Variants in DMD observed in about 807,000 individuals in gnomAD.
DMD encodes the protein dystrophin, also known as mutant dystrophin.
Under a neutral mutation model 330.1 loss-of-function variants are expected in DMD, and 63 were observed. The ratio of observed to expected loss-of-function variants is 0.19; its 90% confidence interval spans 0.16 to 0.24. The LOEUF (loss-of-function observed/expected upper bound fraction) is 0.24, where lower values mean the gene tolerates loss of function less well. Among genes scored for constraint, DMD ranks in the 10% least tolerant of loss-of-function variants. The pLI is 1.00. For missense variants in DMD, 3,344 were observed against 2,684.1 expected, an observed-to-expected ratio of 1.25 and a Z score of -5.43; for synonymous variants, 1,223 against 959.8, an observed-to-expected ratio of 1.27 and a Z score of -5.07.
intron 3 of DMD, 41 bp from the exon 4 acceptor site, chrX:32,844,901 G>A: frequency 9.5e-7 from 1 of 1,048,180 alleles, no homozygotes; most frequent in South Asian, 1.9e-5. Flanking sequence ...CCAGCAGAGA[G>A]ACCGACAATC....
intron 30 of DMD, among the ~76,000 whole-genome samples, chrX:32,390,528 T>C (rs2097994216): frequency 8.9e-6 from 1 of 112,059 alleles, no homozygotes; most frequent in South Asian, 3.7e-4. Flanking sequence ...AATTTATATA[T>C]TATATGTAGA....
chrX:31,905,907 A>G (rs2094473304), intron 47 of DMD, among the ~76,000 whole-genome samples: 1 of 112,045 alleles, frequency 8.9e-6, no homozygotes, highest in African/African-American at 3.2e-5. Flanking sequence ...GAATTTTTAA[A>G]TGGTTCATGA....
intron 2 of DMD, among the ~76,000 whole-genome samples, chrX:32,893,534 C>T (rs184575308): frequency 8.9e-6 from 1 of 112,184 alleles, no homozygotes; most frequent in Non-Finnish European, 1.9e-5. Context: ...GTAATTTACT[C>T]TTTGTCTTAT....
intron 60 of DMD, among the ~76,000 whole-genome samples, chrX:31,427,453 T>C (rs1014250051): frequency 8.9e-6 from 1 of 111,956 alleles, no homozygotes; most frequent in African/African-American, 3.2e-5. Flanking sequence ...AGGGAGCCTG[T>C]GTCATGTACA....
intron 55 of DMD, among the ~76,000 whole-genome samples, chrX:31,601,590 C>T (rs1377856989): frequency 9.0e-6 from 1 of 111,553 alleles, no homozygotes; most frequent in South Asian, 3.8e-4. Flanking sequence ...TTACAAATCT[C>T]CTTTGTCTCT....
intron 11 of DMD, among the ~76,000 whole-genome samples, chrX:32,633,315 T>A (rs1362817744): frequency 1.8e-5 from 2 of 111,590 alleles, no homozygotes; most frequent in South Asian, 3.8e-4. Context: ...TACAGCCAAC[T>A]TCTTTGCTAA....
intron 48 of DMD, 72 bp from the exon 49 acceptor site, chrX:31,836,891 C>T: frequency 3.4e-6 from 3 of 890,452 alleles, no homozygotes; most frequent in South Asian, 2.0e-5. Flanking sequence ...TTAAATATAC[C>T]CTTGGAGACT....
chrX:32,932,338 A>G (rs761831044), intron 2 of DMD, among the ~76,000 whole-genome samples: 1 of 112,460 alleles, frequency 8.9e-6, no homozygotes, highest in Admixed American at 9.5e-5. Context: ...AATAATAAGC[A>G]TATGTAATAA....
chrX:32,023,468 A>C (rs951441259), intron 44 of DMD, among the ~76,000 whole-genome samples: 3 of 111,618 alleles, frequency 2.7e-5, no homozygotes, highest in African/African-American at 9.8e-5. Context: ...TGTATGTCTC[A>C]CTCTGTCAAT....
At chrX:32,942,031 T>G (rs1401713016) in intron 2 of DMD, among the ~76,000 whole-genome samples, 1 of 111,704 alleles carries the variant, frequency 9.0e-6, no homozygotes, top group Non-Finnish European at 1.9e-5. Context: ...TGTGATTAGT[T>G]AAGACATTAT....
At chrX:33,134,288 T>TC (rs1302075594) in intron 1 of DMD, among the ~76,000 whole-genome samples, 1 of 111,126 alleles carries the variant, frequency 9.0e-6, no homozygotes, top group African/African-American at 3.3e-5. Flanking sequence ...GCAAAAACCT[T>TC]CCCCACTGAT....
rs890515219 is a variant in DMD at position 32,796,446 on chromosome X, CAGAGGCTAG to C, written c.649+13038_649+13046del. 2.4e-4 allele frequency among the ~76,000 whole-genome samples: 27 copies of C among 110,769 alleles called. 1 individual carries two copies. In the Admixed American group the frequency reaches 2.5e-3, roughly 10 times the overall value. On this transcript the variant is annotated intron_variant, in intron 7 of 78. Transcript: ENST00000357033. ...GGAAATAGAGAGTATAATAAGATAC[CAGAGGCTAG>C]GAAGGGTAGGAAGGGAATATAAAAA...
intron 1 of DMD, among the ~76,000 whole-genome samples, chrX:33,262,558 T>A (rs1277921054): frequency 9.0e-6 from 1 of 110,995 alleles, no homozygotes; most frequent in Non-Finnish European, 1.9e-5. Flanking sequence ...ATTATAGTAC[T>A]GGCACAGGAA....
At chrX:32,953,989 C>G (rs1157782772) in intron 2 of DMD, among the ~76,000 whole-genome samples, 1 of 111,843 alleles carries the variant, frequency 8.9e-6, no homozygotes, top group Non-Finnish European at 1.9e-5. Flanking sequence ...ATTGTTTGCT[C>G]CATACAAAGG....
chrX:32,422,782 T>TA (rs1255093247), intron 29 of DMD, among the ~76,000 whole-genome samples: 41 of 111,186 alleles, frequency 3.7e-4, no homozygotes, highest in Non-Finnish European at 7.2e-4. Context: ...TCATTTTTTT[T>TA]AAAAAAATAA....
chrX:31,126,780 A>T, intron 77 of DMD, 107 bp from the exon 78 acceptor site: 1 of 424,500 alleles, frequency 2.4e-6, no homozygotes, highest in Non-Finnish European at 4.3e-6. Flanking sequence ...ACAAATGTTG[A>T]GATGACCATT....
intron 41 of DMD, among the ~76,000 whole-genome samples, chrX:32,329,459 G>A (rs2097668043): frequency 8.9e-6 from 1 of 111,775 alleles, no homozygotes; most frequent in South Asian, 3.8e-4. Flanking sequence ...AAGAAGAGGA[G>A]GGCTTTGTAG....
intron 44 of DMD, among the ~76,000 whole-genome samples, chrX:32,046,015 C>A (rs937089833): frequency 3.6e-5 from 4 of 111,692 alleles, no homozygotes; most frequent in Admixed American, 2.8e-4. Flanking sequence ...AAGGGGCAAG[C>A]AAAGGAAATG....
At chrX:32,966,473 A>G (rs1184641409) in intron 2 of DMD, among the ~76,000 whole-genome samples, 2 of 111,831 alleles carry the variant, frequency 1.8e-5, no homozygotes, top group African/African-American at 6.5e-5. Context: ...AGATCTATGT[A>G]TACATTTTAA....
Sources: gnomAD v4.1 joint callset for allele counts (sites outside exome capture counted in the v4.1 genomes callset) on GRCh38, gnomAD v4.1.1 for gene constraint, MANE v1.5 for transcripts, NCBI Gene and HGNC (gene_info 2026-07-23, HGNC 2026-07-21) for gene names.